The following PPP1R9A variants were observed in gnomAD, a reference collection of about 807,000 sequenced individuals.
PPP1R9A encodes neurabin-1.
Under a neutral mutation model 141.9 loss-of-function variants are expected in PPP1R9A, and 59 were observed. The observed-to-expected ratio is 0.42, with a 90% confidence interval of 0.34 to 0.52. The LOEUF (loss-of-function observed/expected upper bound fraction) is 0.52. Ranked by LOEUF, PPP1R9A falls within the 20% of genes least tolerant of loss-of-function variation. The pLI, the probability that PPP1R9A is intolerant of heterozygous loss-of-function variation, is 0.10. For synonymous variants in PPP1R9A, 500 were observed against 569.7 expected (o/e 0.88, Z 1.74); for missense variants, 1,444 against 1,611.9 (o/e 0.90, Z 1.78).
intron 2 of PPP1R9A, among the ~76,000 whole-genome samples, chr7:95,104,094 T>C (rs1009806595): frequency 6.6e-6 from 1 of 152,218 alleles, no homozygotes; most frequent in African/African-American, 2.4e-5. Context: ...ACGTTAAGTA[T>C]GCTACAAATA....
chr7:95,133,601 C>T (rs1440360578), intron 4 of PPP1R9A, among the ~76,000 whole-genome samples: 1 of 149,102 alleles, frequency 6.7e-6, no homozygotes, highest in African/African-American at 2.5e-5. Context: ...GTGAGGTAAG[C>T]ATTTTTACAT....
chr7:95,160,884 C>T (rs1003419417), intron 4 of PPP1R9A, among the ~76,000 whole-genome samples: 1 of 152,168 alleles, frequency 6.6e-6, no homozygotes, highest in Non-Finnish European at 1.5e-5. Flanking sequence ...ACATAGTATT[C>T]CACAGTGTAT....
At chr7:95,099,798 A>G (rs1818516104) in intron 2 of PPP1R9A, among the ~76,000 whole-genome samples, 1 of 152,194 alleles carries the variant, frequency 6.6e-6, no homozygotes, top group Non-Finnish European at 1.5e-5. Flanking sequence ...TCTCACTAGA[A>G]TAAAAATGAA....
intron 2 of PPP1R9A, among the ~76,000 whole-genome samples, chr7:95,094,199 A>T (rs1817717301): frequency 6.6e-6 from 1 of 152,200 alleles, no homozygotes; most frequent in Non-Finnish European, 1.5e-5. Context: ...CTGGCCATGT[A>T]TGCTGGAGCC....
rs563076248 is a variant in PPP1R9A, at chr7:95,094,419, C to A, written c.1396-16840C>A. ...TCATTCTCTCTCCTCTGTCACTCTA[C>A]TCCATCCCGTCTTCCAGTGCTGTTT... On this transcript the variant is annotated intron_variant, in intron 2 of 19. Transcript: ENST00000433360. Among the ~76,000 whole-genome samples the A allele has an allele frequency of 2.1e-3, 326 of 152,336 alleles. 22 individuals carry two copies. The highest frequency in any genetic ancestry group is 1.8e-3 in the Non-Finnish European group (125 of 68,042).
At chr7:95,027,364 G>A (rs1807016461) in intron 2 of PPP1R9A, among the ~76,000 whole-genome samples, 1 of 152,128 alleles carries the variant, frequency 6.6e-6, no homozygotes, top group Non-Finnish European at 1.5e-5. Flanking sequence ...TGCACTTCCT[G>A]GGTGAGGTGA....
At chr7:95,124,967 C>G (rs1823306735) in intron 4 of PPP1R9A, among the ~76,000 whole-genome samples, 1 of 152,064 alleles carries the variant, frequency 6.6e-6, no homozygotes, top group South Asian at 2.1e-4. Context: ...CTGAGTTTAT[C>G]CAGTATAGTT....
At chr7:94,935,041 A>G (rs1794620665) in intron 2 of PPP1R9A, among the ~76,000 whole-genome samples, 1 of 152,130 alleles carries the variant, frequency 6.6e-6, no homozygotes, top group Non-Finnish European at 1.5e-5. Flanking sequence ...TTTTTGATTA[A>G]CAGCAATTCT....
intron 2 of PPP1R9A, among the ~76,000 whole-genome samples, chr7:95,073,071 C>G (rs987559868): frequency 6.8e-6 from 1 of 147,232 alleles, no homozygotes; most frequent in Non-Finnish European, 1.5e-5. Flanking sequence ...CTGTGAGCTC[C>G]GCTTCCTGAG....
chr7:95,284,069 T>C lies in PPP1R9A; in HGVS notation c.3348T>C (p.Ala1116=). The change falls in exon 17 of 20, where the codon GCT becomes GCC. Residue 1116 remains alanine (A), a synonymous_variant. Transcript: ENST00000433360. ...GGACACCCAAGCCATGTTCAACAGC[T>C]CAGACCTCCACTCGTTCCCCTTGCA... The part of the protein sequence containing the change: ...ENWTPKPCST[A]QTSTRSPCMP... The C allele has an allele frequency of 6.3e-7, 1 of 1,598,270 alleles. No individual in the cohort carries two copies. Among genetic ancestry groups the C allele is most frequent in the Non-Finnish European group, 8.5e-7 (1 of 1,178,724 alleles).
chr7:95,182,066 G>A (rs930735252), intron 5 of PPP1R9A, among the ~76,000 whole-genome samples: 1 of 151,710 alleles, frequency 6.6e-6, no homozygotes, highest in Non-Finnish European at 1.5e-5. Flanking sequence ...CTACAAATAG[G>A]GTGCAGTGTA....
At chr7:95,233,375 G>A (rs771784648) in intron 8 of PPP1R9A, among the ~76,000 whole-genome samples, 23 of 152,016 alleles carry the variant, frequency 1.5e-4, no homozygotes, top group Non-Finnish European at 2.5e-4. Flanking sequence ...GTCAGGGGGT[G>A]GGGGGCAAGG....
At chr7:95,090,829 T>G (rs1817249545) in intron 2 of PPP1R9A, among the ~76,000 whole-genome samples, 1 of 151,776 alleles carries the variant, frequency 6.6e-6, no homozygotes, top group Non-Finnish European at 1.5e-5. Context: ...AAGAAAAAAA[T>G]CATTCATAAT....
intron 8 of PPP1R9A, among the ~76,000 whole-genome samples, chr7:95,241,354 A>G (rs1310402417): frequency 1.3e-5 from 2 of 152,186 alleles, no homozygotes; most frequent in African/African-American, 2.4e-5. Flanking sequence ...GGGGTTGTCC[A>G]CTTTTTGCTT....
chr7:95,247,579 T>A, intron 9 of PPP1R9A, 53 bp downstream of exon 9: 3 of 1,397,910 alleles, frequency 2.1e-6, no homozygotes, highest in Non-Finnish European at 2.0e-6. Flanking sequence ...TCAGATACTA[T>A]GAATAAATCC....
chr7:95,065,411 C>G (rs890514367), intron 2 of PPP1R9A, among the ~76,000 whole-genome samples: 1 of 111,354 alleles, frequency 9.0e-6, no homozygotes, highest in Admixed American at 8.4e-5. Flanking sequence ...TCACCTTTTT[C>G]TAGATAGCTA....
At chr7:95,215,733 C>T (rs1359415393) in intron 7 of PPP1R9A, among the ~76,000 whole-genome samples, 1 of 152,188 alleles carries the variant, frequency 6.6e-6, no homozygotes, top group Non-Finnish European at 1.5e-5. Flanking sequence ...TGATGATGAG[C>T]ATTTTTTCAT....
At chr7:95,188,593 G>T (rs112303209) in intron 5 of PPP1R9A, among the ~76,000 whole-genome samples, 4,306 of 126,662 alleles carry the variant, frequency 0.034, 97 homozygotes, top group South Asian at 0.053. Context: ...TGTCTGTGTT[G>T]TGTTTTGTTT....
chr7:95,283,883 G>A (rs990638815), intron 16 of PPP1R9A, 135 bp from the exon 17 acceptor site: 1 of 727,332 alleles, frequency 1.4e-6, no homozygotes, highest in East Asian at 2.8e-5. Flanking sequence ...GTAGTCAAAA[G>A]TGCAAACTTT....
Sources: allele counts gnomAD v4.1 joint callset (sites outside exome capture counted in the v4.1 genomes callset), GRCh38; gene constraint gnomAD v4.1.1; transcripts MANE v1.5; gene names NCBI Gene and HGNC (gene_info 2026-07-23, HGNC 2026-07-21).